Variants in NWD2 observed in about 807,000 individuals in gnomAD.
The protein encoded by NWD2 is NACHT and WD repeat domain containing 2, also known as NACHT and WD repeat domain-containing protein 2.
NWD2 carries 37 observed loss-of-function variants against 132.7 expected under a neutral mutation model. The ratio of observed to expected loss-of-function variants is 0.28; its 90% CI spans 0.21 to 0.37. The LOEUF (loss-of-function observed/expected upper bound fraction) is 0.37. Among genes scored for constraint, NWD2 ranks in the 10% least tolerant of loss-of-function variants. The pLI is 1.00. For synonymous variants in NWD2, 705 were observed against 803.0 expected, an observed-to-expected ratio of 0.88 and a Z score of 2.06; for missense variants, 1,592 against 2,122.4, an observed-to-expected ratio of 0.75 and a Z score of 4.91.
At chr4:37,332,797 G>A (rs1719321400) in intron 2 of NWD2, among the ~76,000 whole-genome samples, 1 of 152,190 alleles carries the variant, frequency 6.6e-6, no homozygotes, top group African/African-American at 2.4e-5. Context: ...GGGGTTCCCA[G>A]TTCCAGGCCT....
At chr4:37,342,305 G>T (rs973819694) in intron 2 of NWD2, among the ~76,000 whole-genome samples, 1 of 151,980 alleles carries the variant, frequency 6.6e-6, no homozygotes, top group Admixed American at 6.6e-5. Context: ...TGACTCACTT[G>T]CTCCCTCTTG....
At chr4:37,358,021 G>T in intron 3 of NWD2, among the ~76,000 whole-genome samples, 1 of 152,228 alleles carries the variant, frequency 6.6e-6, no homozygotes, top group Middle Eastern at 3.4e-3. Flanking sequence ...TATGGGGAAC[G>T]TATCATGGGG....
chr4:37,425,347 T>C (rs1711971794), intron 3 of NWD2, among the ~76,000 whole-genome samples: 1 of 152,240 alleles, frequency 6.6e-6, no homozygotes, highest in African/African-American at 2.4e-5. Flanking sequence ...TTCAGCCTTT[T>C]GGACTTAACT....
At chr4:37,251,619 T>C (rs922950464) in intron 1 of NWD2, among the ~76,000 whole-genome samples, 1 of 152,236 alleles carries the variant, frequency 6.6e-6, no homozygotes. Context: ...AACCTGCATG[T>C]TAGCCACTAT....
intron 3 of NWD2, among the ~76,000 whole-genome samples, chr4:37,400,814 C>T (rs994801784): frequency 3.1e-4 from 47 of 152,212 alleles, no homozygotes; most frequent in African/African-American, 9.7e-4. Context: ...GTGGTTCTTA[C>T]GTTATGCTTA....
At chr4:37,347,855 A>G (rs6827158) in intron 2 of NWD2, among the ~76,000 whole-genome samples, 145,974 of 152,300 alleles carry the variant, frequency 0.96, 70,270 homozygotes, top group Non-Finnish European at 1. Context: ...GGTGTCAGCC[A>G]AAAGAATCGA....
At chr4:37,324,471 T>C (rs1719132254) in intron 1 of NWD2, among the ~76,000 whole-genome samples, 1 of 152,130 alleles carries the variant, frequency 6.6e-6, no homozygotes, top group Non-Finnish European at 1.5e-5. Flanking sequence ...GGCTTTATTG[T>C]GAAGTTAGCA....
chr4:37,309,443 C>T (rs1718783261), intron 1 of NWD2, among the ~76,000 whole-genome samples: 1 of 152,116 alleles, frequency 6.6e-6, no homozygotes, highest in African/African-American at 2.4e-5. Flanking sequence ...CAACTGGAAT[C>T]ACAGCCCTGT....
chr4:37,307,585 A>G (rs1718735292), intron 1 of NWD2, among the ~76,000 whole-genome samples: 1 of 152,122 alleles, frequency 6.6e-6, no homozygotes, highest in South Asian at 2.1e-4. Context: ...TTTTGACTAT[A>G]ATGTTTCTCA....
At chr4:37,394,799 G>GTTTTTTTGTTT (rs1720747182) in intron 3 of NWD2, among the ~76,000 whole-genome samples, 2 of 52,596 alleles carry the variant, frequency 3.8e-5, no homozygotes, top group African/African-American at 1.5e-4. Flanking sequence ...AACCTTTATG[G>GTTTTTTTGTTT]TTTTTTTTTT....
intron 1 of NWD2, among the ~76,000 whole-genome samples, chr4:37,320,256 G>A (rs1719042193): frequency 6.6e-6 from 1 of 152,150 alleles, no homozygotes; most frequent in Non-Finnish European, 1.5e-5. Context: ...GCAAGTAATG[G>A]CTGAAAACTC....
chr4:37,343,054 G>A (rs1260503914), intron 2 of NWD2, among the ~76,000 whole-genome samples: 1 of 152,158 alleles, frequency 6.6e-6, no homozygotes, highest in Non-Finnish European at 1.5e-5. Context: ...GAGGACCTGG[G>A]ATTTTCCTTG....
chr4:37,271,033 G>A (rs1436608168), intron 1 of NWD2, among the ~76,000 whole-genome samples: 1 of 151,746 alleles, frequency 6.6e-6, no homozygotes, highest in African/African-American at 2.4e-5. Context: ...TGACAGCTTT[G>A]TTGAAAATCA....
intron 3 of NWD2, among the ~76,000 whole-genome samples, chr4:37,414,106 A>G (rs994310233): frequency 2.6e-5 from 4 of 152,180 alleles, no homozygotes; most frequent in African/African-American, 9.7e-5. Flanking sequence ...TGTATCCTAG[A>G]ACATAAAGTA....
chr4:37,295,192 T>G (rs943274173), intron 1 of NWD2, among the ~76,000 whole-genome samples: 5 of 152,238 alleles, frequency 3.3e-5, no homozygotes, highest in African/African-American at 9.6e-5. Context: ...GTTTTTTTTT[T>G]GTCAGAGTGT....
At chr4:37,375,374 GA>G (rs1335307939) in intron 3 of NWD2, among the ~76,000 whole-genome samples, 1 of 152,092 alleles carries the variant, frequency 6.6e-6, no homozygotes, top group Non-Finnish European at 1.5e-5. Context: ...AAATATGCCA[GA>G]CCCCGTGCTA....
At chr4:37,322,950 G>T (rs1450882413) in intron 1 of NWD2, among the ~76,000 whole-genome samples, 1 of 152,126 alleles carries the variant, frequency 6.6e-6, no homozygotes, top group African/African-American at 2.4e-5. Context: ...TCATTGCAAA[G>T]GTTGATTCTT....
intron 1 of NWD2, among the ~76,000 whole-genome samples, chr4:37,252,794 A>T (rs1717404910): frequency 6.6e-6 from 1 of 152,194 alleles, no homozygotes; most frequent in African/African-American, 2.4e-5. Context: ...TCCTCAGAGA[A>T]AGGAAATGGA....
intron 1 of NWD2, among the ~76,000 whole-genome samples, chr4:37,286,046 A>G (rs1405139494): frequency 2.6e-5 from 4 of 152,250 alleles, no homozygotes. Flanking sequence ...TGCAGATCCA[A>G]GGAGAACAAT....
Sources: allele counts gnomAD v4.1 joint callset (sites outside exome capture counted in the v4.1 genomes callset), GRCh38; gene constraint gnomAD v4.1.1; transcripts MANE v1.5; gene names NCBI Gene and HGNC (gene_info 2026-07-23, HGNC 2026-07-21).